The following CCDC39 variants were observed in gnomAD, a reference collection of about 807,000 sequenced individuals.
CCDC39 encodes the protein coiled-coil domain 39 molecular ruler complex subunit.
Under a neutral mutation model 121.0 loss-of-function variants are expected in CCDC39, and 113 were observed. The observed-to-expected ratio is 0.93, with a 90% CI of 0.80 to 1.09. CCDC39 has a LOEUF of 1.09. Ranked by LOEUF, CCDC39 falls within the 50% of genes least tolerant of loss-of-function variation. CCDC39 has a pLI of 0.00. For missense variants in CCDC39, 1,063 were observed against 1,074.7 expected (o/e 0.99, Z 0.15); for synonymous variants, 349 against 352.2 (o/e 0.99, Z 0.10).
chr3:180,635,286 CAG>C (rs778880615), intron 13 of CCDC39, among the ~76,000 whole-genome samples: 12 of 152,148 alleles, frequency 7.9e-5, no homozygotes, highest in African/African-American at 9.7e-5. Flanking sequence ...GGTGGGGACA[CAG>C]AGCCAAACCA....
At position 180,677,168 on chromosome 3, in the gene CCDC39, T is replaced by TTATATATATATATA. The variant is rs58408770; in HGVS notation, c.90+2109_90+2122dup. Among the ~76,000 whole-genome samples, 49 of 35,172 alleles carry TTATATATATATATA rather than the reference T, an allele frequency of 1.4e-3. 4 individuals carry two copies. The highest frequency in any genetic ancestry group is 1.8e-3 in the East Asian group (2 of 1,110). The allele number at this position is 35,172 out of a possible 152,430, so 23.1% of individuals were successfully genotyped here. On this transcript the variant is annotated intron_variant, in intron 1 of 19. Coordinates refer to ENST00000476379, the MANE Select transcript of CCDC39 (RefSeq NM_181426.2). The stretch of plus-strand genomic sequence containing the variant: ...TATAATAATAATAATAATAATAATT[T>TTATATATATATATA]TATATATATATATATATATATATAT...
chr3:180,643,061 G>A (rs1717994786), intron 12 of CCDC39, among the ~76,000 whole-genome samples: 1 of 151,562 alleles, frequency 6.6e-6, no homozygotes, highest in Non-Finnish European at 1.5e-5. Flanking sequence ...CTGGGTTCAC[G>A]CCATTCTCCT....
chr3:180,620,801 C>T (rs1362334723), intron 14 of CCDC39, among the ~76,000 whole-genome samples: 1 of 151,686 alleles, frequency 6.6e-6, no homozygotes, highest in Non-Finnish European at 1.5e-5. Flanking sequence ...TTATGGAGTA[C>T]AAGTATATTT....
intron 13 of CCDC39, among the ~76,000 whole-genome samples, chr3:180,640,840 C>T (rs1259489856): frequency 6.6e-6 from 1 of 151,760 alleles, no homozygotes; most frequent in Non-Finnish European, 1.5e-5. Context: ...CCAGTGGGGT[C>T]TTTGAAAAAC....
chr3:180,624,014 T>A (rs1717494946), intron 14 of CCDC39, among the ~76,000 whole-genome samples: 1 of 152,154 alleles, frequency 6.6e-6, no homozygotes, highest in African/African-American at 2.4e-5. Flanking sequence ...ATCTGCCTAG[T>A]GCTGTCAGTG....
At chr3:180,651,331 C>T in intron 9 of CCDC39, 70 bp downstream of exon 9, 1 of 1,284,918 alleles carries the variant, frequency 7.8e-7, no homozygotes, top group Non-Finnish European at 1.1e-6. Flanking sequence ...TCCTCTGATC[C>T]TAGGAGTCTA....
Position 180,644,101 on chromosome 3 carries a change from G to A in CCDC39, c.1665+19C>T, listed in dbSNP as rs1206128446. 1.3e-6 allele frequency: 2 copies of A among 1,514,060 alleles called. No homozygotes were observed. The highest frequency in any genetic ancestry group is 1.4e-5 in the African/African-American group (1 of 71,694). 93.8% of individuals were successfully genotyped at this position (1,514,060 alleles called of 1,614,324 possible). On this transcript the variant is annotated intron_variant, in intron 12 of 19. Coordinates refer to ENST00000476379, the MANE Select transcript of CCDC39 (RefSeq NM_181426.2). The stretch of plus-strand genomic sequence containing the variant: ...AAACATGGTTTTCAATACTACATAT[G>A]CATACAATTTTACTGCACCTGCTTA...
At chr3:180,675,300 T>C (rs1487067830) in intron 1 of CCDC39, among the ~76,000 whole-genome samples, 2 of 152,224 alleles carry the variant, frequency 1.3e-5, no homozygotes, top group South Asian at 2.1e-4. Flanking sequence ...GATGGTAGTT[T>C]ATATTTCCAT....
At chr3:180,623,961 C>T (rs1031819475) in intron 14 of CCDC39, among the ~76,000 whole-genome samples, 4 of 151,996 alleles carry the variant, frequency 2.6e-5, no homozygotes, top group African/African-American at 7.2e-5. Flanking sequence ...GTCTAAAGCC[C>T]GATTTAAGTC....
intron 1 of CCDC39, among the ~76,000 whole-genome samples, chr3:180,675,355 T>A (rs574212925): frequency 6.6e-5 from 10 of 152,310 alleles, no homozygotes; most frequent in South Asian, 2.1e-4. Flanking sequence ...ATTACATCTA[T>A]TTGATTGTTC....
At chr3:180,638,059 T>A (rs1407607997) in intron 13 of CCDC39, among the ~76,000 whole-genome samples, 5 of 152,132 alleles carry the variant, frequency 3.3e-5, no homozygotes, top group African/African-American at 4.8e-5. Context: ...AACCTGCACA[T>A]GTACCCCTGA....
At chr3:180,673,877 T>C (rs1017407373) in intron 1 of CCDC39, among the ~76,000 whole-genome samples, 3 of 151,454 alleles carry the variant, frequency 2.0e-5, no homozygotes, top group Non-Finnish European at 4.4e-5. Context: ...CTTTAAGATG[T>C]ATAAACTTAA....
At chr3:180,657,990 A>T (rs1032089672) in intron 6 of CCDC39, among the ~76,000 whole-genome samples, 2 of 152,178 alleles carry the variant, frequency 1.3e-5, no homozygotes, top group Non-Finnish European at 2.9e-5. Context: ...CTGTAATCCC[A>T]GCACTTTGGG....
chr3:180,637,186 T>A (rs1401054413), intron 13 of CCDC39, among the ~76,000 whole-genome samples: 1 of 152,014 alleles, frequency 6.6e-6, no homozygotes, highest in Non-Finnish European at 1.5e-5. Context: ...CTGCATCTGA[T>A]AAAGGTCTAA....
At chr3:180,663,403 G>T (rs75312647) in intron 2 of CCDC39, among the ~76,000 whole-genome samples, 5,889 of 151,944 alleles carry the variant, frequency 0.039, 394 homozygotes, top group African/African-American at 0.14. Context: ...TAATTTTTTG[G>T]TTAAAATTGG....
At chr3:180,632,061 A>C (rs944446755) in intron 13 of CCDC39, among the ~76,000 whole-genome samples, 2 of 152,174 alleles carry the variant, frequency 1.3e-5, no homozygotes, top group Non-Finnish European at 2.9e-5. Context: ...CAAACAGTAG[A>C]TTTGCATCAC....
At chr3:180,642,241 T>G in intron 12 of CCDC39, 40 bp from the exon 13 acceptor site, 1 of 1,389,142 alleles carries the variant, frequency 7.2e-7, no homozygotes, top group Non-Finnish European at 9.6e-7. Context: ...GAAATTATTT[T>G]TAATTGCAAA....
chr3:180,650,263 G>A (rs1718168394), intron 9 of CCDC39, among the ~76,000 whole-genome samples: 1 of 152,118 alleles, frequency 6.6e-6, no homozygotes, highest in South Asian at 2.1e-4. Flanking sequence ...GTAGAAGAAG[G>A]TGCCAGTAGA....
chr3:180,620,954 T>C (rs1197412721), intron 14 of CCDC39, among the ~76,000 whole-genome samples: 1 of 152,108 alleles, frequency 6.6e-6, no homozygotes. Context: ...TGTCTATCAC[T>C]CCACGCTCTA....
Sources: allele counts gnomAD v4.1 joint callset (sites outside exome capture counted in the v4.1 genomes callset), GRCh38; gene constraint gnomAD v4.1.1; transcripts MANE v1.5; gene names NCBI Gene and HGNC (gene_info 2026-07-23, HGNC 2026-07-21).